SGCD: variants seen among roughly 807,000 people sequenced by gnomAD.
SGCD encodes delta-sarcoglycan.
SGCD carries 18 observed loss-of-function variants against 36.6 expected under a neutral mutation model. The ratio of observed to expected loss-of-function variants is 0.49; its 90% confidence interval spans 0.34 to 0.73. SGCD has a LOEUF of 0.73. SGCD is among the 30% of genes least tolerant of loss of function. The pLI is 0.01. For missense variants in SGCD, 387 were observed against 346.7 expected (o/e 1.12, Z -0.92); for synonymous variants, 133 against 130.6 (o/e 1.02, Z -0.12).
At chr5:155,767,313 T>C in the SGCD span, among the ~76,000 whole-genome samples, 5 of 152,192 alleles carry the variant, frequency 3.3e-5, no homozygotes, top group African/African-American at 9.7e-5. Context: ...GAACTTCCCC[T>C]TGGGGATCCA....
intron 3 of SGCD, among the ~76,000 whole-genome samples, chr5:156,476,993 T>A (rs1755208057): frequency 6.7e-6 from 1 of 148,266 alleles, no homozygotes; most frequent in African/African-American, 2.5e-5. Flanking sequence ...ATCCTTGAAC[T>A]GCAAGCAACA....
chr5:156,672,686 G>A (rs1302720943), intron 7 of SGCD, among the ~76,000 whole-genome samples: 1 of 152,106 alleles, frequency 6.6e-6, no homozygotes, highest in African/African-American at 2.4e-5. Flanking sequence ...CATCCTTATG[G>A]GTTTGGGTCA....
chr5:156,428,512 G>A (rs111840377), intron 3 of SGCD, among the ~76,000 whole-genome samples: 37 of 151,814 alleles, frequency 2.4e-4, no homozygotes, highest in African/African-American at 8.9e-4. Flanking sequence ...TTGATATTTT[G>A]TAATTTTTTT....
chr5:156,277,686 T>A (rs1007323399), intron 3 of SGCD, among the ~76,000 whole-genome samples: 1 of 152,342 alleles, frequency 6.6e-6, no homozygotes, highest in African/African-American at 2.4e-5. Context: ...GGCTGGATTT[T>A]ATTTTCTTTG....
At chr5:155,950,661 A>G (rs1757531527) in intron 1 of SGCD, among the ~76,000 whole-genome samples, 1 of 152,146 alleles carries the variant, frequency 6.6e-6, no homozygotes, top group Admixed American at 6.6e-5. Context: ...TCTCTTCCCC[A>G]AAGACTTCCA....
chr5:156,459,682 G>T (rs1409301858), intron 3 of SGCD, among the ~76,000 whole-genome samples: 1 of 152,110 alleles, frequency 6.6e-6, no homozygotes, highest in Non-Finnish European at 1.5e-5. Context: ...TACCATCATT[G>T]CATTGAAAAT....
At chr5:155,916,819 T>C (rs1756752413) in intron 1 of SGCD, among the ~76,000 whole-genome samples, 1 of 152,202 alleles carries the variant, frequency 6.6e-6, no homozygotes, top group Non-Finnish European at 1.5e-5. Flanking sequence ...AGTTACTTCC[T>C]GTGCTTCTCA....
intron 3 of SGCD, among the ~76,000 whole-genome samples, chr5:156,124,709 G>A (rs969180504): frequency 6.6e-6 from 1 of 152,036 alleles, no homozygotes; most frequent in African/African-American, 2.4e-5. Context: ...GTGCGCACAT[G>A]TGTATATGCA....
intron 3 of SGCD, among the ~76,000 whole-genome samples, chr5:156,481,698 G>A (rs1260652493): frequency 6.6e-6 from 1 of 152,158 alleles, no homozygotes; most frequent in East Asian, 1.9e-4. Context: ...TTTCTACTGT[G>A]AGTTTCAGAT....
chr5:156,585,654 A>G (rs1187818171), intron 4 of SGCD, among the ~76,000 whole-genome samples: 1 of 152,180 alleles, frequency 6.6e-6, no homozygotes, highest in Non-Finnish European at 1.5e-5. Context: ...CCCATGGACT[A>G]TTCCTTTAGT....
At chr5:156,204,405 T>C (rs919176085) in intron 3 of SGCD, among the ~76,000 whole-genome samples, 2 of 151,772 alleles carry the variant, frequency 1.3e-5, no homozygotes, top group East Asian at 1.9e-4. Context: ...TGGTGGGTGA[T>C]ACAAATATAT....
intron 1 of SGCD, among the ~76,000 whole-genome samples, chr5:156,042,860 A>G (rs1409712952): frequency 6.6e-6 from 1 of 152,168 alleles, no homozygotes; most frequent in Non-Finnish European, 1.5e-5. Flanking sequence ...AATCATTTAT[A>G]TCTACACCTC....
chr5:156,161,092 A>G (rs1255924911), intron 3 of SGCD, among the ~76,000 whole-genome samples: 2 of 151,686 alleles, frequency 1.3e-5, no homozygotes, highest in Non-Finnish European at 1.5e-5. Flanking sequence ...TTTCTTTACC[A>G]TGTGTCTTTT....
At chr5:156,013,925 C>T (rs1269044095) in intron 1 of SGCD, among the ~76,000 whole-genome samples, 4 of 150,428 alleles carry the variant, frequency 2.7e-5, no homozygotes, top group African/African-American at 9.8e-5. Context: ...TTTGTGTGTA[C>T]GTGTGTTTAT....
At chr5:155,896,088 T>G (rs898984733) in intron 1 of SGCD, among the ~76,000 whole-genome samples, 1 of 152,218 alleles carries the variant, frequency 6.6e-6, no homozygotes, top group Non-Finnish European at 1.5e-5. Context: ...CTATGAAATA[T>G]TAATAGAAAT....
chr5:156,448,803 C>A (rs1228155934), intron 3 of SGCD, among the ~76,000 whole-genome samples: 1 of 124,530 alleles, frequency 8.0e-6, no homozygotes, highest in Non-Finnish European at 1.6e-5. Flanking sequence ...GGCTAGAGTG[C>A]AGTGGCACAG....
chr5:156,217,308 A>G (rs548874963), intron 3 of SGCD, among the ~76,000 whole-genome samples: 47 of 152,266 alleles, frequency 3.1e-4, no homozygotes, highest in South Asian at 6.2e-4. Flanking sequence ...GATTTTTAAT[A>G]CTGTAGTGAA....
rs191290724 is a variant in SGCD at position 155,911,077 on chromosome 5, C to G, written c.-282+40653C>G. On this transcript the variant is annotated intron_variant, in intron 1 of 9. Coordinates refer to the SGCD transcript ENST00000517913. ...TGCATTGTATGGGTATGATCACAAA[C>G]ATGATACTACCATTTTTAGAAAGGC... 3.9e-5 allele frequency among the ~76,000 whole-genome samples: 6 copies of G among 152,144 alleles called. No individual in the cohort carries two copies. The East Asian group carries it at 9.7e-4, about 25-fold the overall frequency.
At chr5:156,272,495 G>A (rs747404669) in intron 3 of SGCD, among the ~76,000 whole-genome samples, 7 of 152,166 alleles carry the variant, frequency 4.6e-5, no homozygotes, top group Non-Finnish European at 8.8e-5. Flanking sequence ...GTGTGCATAT[G>A]TCTTTTTCAT....
Sources: allele counts gnomAD v4.1 joint callset (sites outside exome capture counted in the v4.1 genomes callset), GRCh38; gene constraint gnomAD v4.1.1; transcripts MANE v1.5; gene names NCBI Gene and HGNC (gene_info 2026-07-23, HGNC 2026-07-21).